SORCS2: variants seen among roughly 807,000 people sequenced by gnomAD.
The protein encoded by SORCS2 is VPS10 domain-containing receptor SorCS2.
A neutral mutation model predicts 141.6 loss-of-function variants in SORCS2; 100 were observed. That is an observed-to-expected ratio of 0.71 (90% CI 0.60 to 0.83). The LOEUF (loss-of-function observed/expected upper bound fraction) is 0.83, where lower values mean the gene tolerates loss of function less well. SORCS2 is among the 40% of genes least tolerant of loss of function. The pLI, the probability that SORCS2 is intolerant of heterozygous loss-of-function variation, is 0.00. For synonymous variants in SORCS2, 789 were observed against 676.9 expected, an observed-to-expected ratio of 1.17 and a Z score of -2.57; for missense variants, 1,646 against 1,560.2, an observed-to-expected ratio of 1.05 and a Z score of -0.93.
At chr4:7,574,554 CA>C (rs1321282559) in intron 3 of SORCS2, among the ~76,000 whole-genome samples, 6 of 148,354 alleles carry the variant, frequency 4.0e-5, no homozygotes, top group African/African-American at 7.5e-5. Context: ...AGGAGAGAGA[CA>C]GGGGGAAGGA....
intron 1 of SORCS2, among the ~76,000 whole-genome samples, chr4:7,377,941 C>A (rs1429622029): frequency 6.6e-6 from 1 of 152,208 alleles, no homozygotes; most frequent in East Asian, 1.9e-4. Context: ...AAATGAAGAT[C>A]TTGTTTTTTG....
intron 1 of SORCS2, among the ~76,000 whole-genome samples, chr4:7,272,875 C>T (rs1271171302): frequency 6.6e-6 from 1 of 152,268 alleles, no homozygotes; most frequent in Non-Finnish European, 1.5e-5. Flanking sequence ...CTTTCCCCAC[C>T]AGCACAGGCT....
chr4:7,734,653 C>T (rs1712017121), intron 25 of SORCS2, among the ~76,000 whole-genome samples: 1 of 152,210 alleles, frequency 6.6e-6, no homozygotes, highest in Non-Finnish European at 1.5e-5. Context: ...TGCTGTTCAG[C>T]CCCACCCACC....
At chr4:7,385,892 C>G (rs73210453) in intron 1 of SORCS2, among the ~76,000 whole-genome samples, 19,620 of 152,236 alleles carry the variant, frequency 0.13, 1,934 homozygotes, top group East Asian at 0.52. Flanking sequence ...GAGCACTGAC[C>G]GAATGCTTCC....
Position 7,667,000 on chromosome 4 carries a change from A to G in SORCS2, c.1072-124A>G, listed in dbSNP as rs1287452276. 4.7e-6 allele frequency: 4 copies of G among 847,030 alleles called. No individual in the cohort carries two copies. In the African/African-American group the frequency reaches 6.7e-5, roughly 14 times the overall value. 52.5% of individuals were successfully genotyped at this position (847,030 alleles called of 1,614,324 possible). On this transcript the variant is annotated intron_variant, in intron 7 of 26. Coordinates refer to ENST00000507866, the MANE Select transcript of SORCS2 (RefSeq NM_020777.3). ...TAGGAGTCTGTTCATTTCAAGCAGA[A>G]CAGGTAGAAGGAAAGTAAAAGGGCA...
chr4:7,538,520 A>T (rs1354160196), intron 3 of SORCS2, among the ~76,000 whole-genome samples: 1 of 152,174 alleles, frequency 6.6e-6, no homozygotes, highest in African/African-American at 2.4e-5. Context: ...ATTGTGTTTT[A>T]TATGAAAAAT....
intron 2 of SORCS2, among the ~76,000 whole-genome samples, chr4:7,458,261 G>A (rs1358353333): frequency 6.6e-6 from 1 of 152,264 alleles, no homozygotes; most frequent in East Asian, 1.9e-4. Flanking sequence ...CAGGCTGTAG[G>A]TTGGAGGCAG....
chr4:7,737,333 C>A, intron 26 of SORCS2, 161 bp downstream of exon 26: 1 of 949,044 alleles, frequency 1.1e-6, no homozygotes, highest in Middle Eastern at 3.1e-4. Context: ...CACTGTGTCC[C>A]CTCCATCTGA....
At chr4:7,700,666 A>G (rs1490940418) in intron 12 of SORCS2, among the ~76,000 whole-genome samples, 1 of 152,196 alleles carries the variant, frequency 6.6e-6, no homozygotes, top group African/African-American at 2.4e-5. Context: ...TAGCATTAGG[A>G]CAGAGGATCC....
intron 1 of SORCS2, among the ~76,000 whole-genome samples, chr4:7,291,512 G>A (rs1179702012): frequency 1.3e-5 from 2 of 152,174 alleles, no homozygotes; most frequent in Non-Finnish European, 2.9e-5. Context: ...CTGGGAGAGA[G>A]AGATCACATG....
At chr4:7,413,169 C>T (rs146272473) in intron 2 of SORCS2, among the ~76,000 whole-genome samples, 223 of 152,084 alleles carry the variant, frequency 1.5e-3, no homozygotes, top group African/African-American at 5.2e-3. Context: ...CAAAAAGTAC[C>T]ACATCTTTAT....
intron 3 of SORCS2, among the ~76,000 whole-genome samples, chr4:7,546,137 G>A (rs1713244630): frequency 6.6e-6 from 1 of 152,138 alleles, no homozygotes; most frequent in African/African-American, 2.4e-5. Context: ...CCTGTGAACT[G>A]GGGAGGAATA....
chr4:7,510,186 G>C lies in SORCS2; in HGVS notation c.549-21344G>C, dbSNP rs183043531. Among the ~76,000 whole-genome samples, 381 of 152,358 alleles carry C rather than the reference G, an allele frequency of 2.5e-3. 3 individuals carry two copies. The highest frequency in any genetic ancestry group is 8.8e-3 in the African/African-American group (367 of 41,584). On this transcript the variant is annotated intron_variant, in intron 2 of 26. Coordinates refer to ENST00000507866, the MANE Select transcript of SORCS2 (RefSeq NM_020777.3). The stretch of plus-strand genomic sequence containing the variant: ...GCCTCGGCAGTCCCAGATTGAAACC[G>C]ATGTGGATGCAAACGCCTTCCCTTC...
At chr4:7,415,266 G>A (rs1725590202) in intron 2 of SORCS2, among the ~76,000 whole-genome samples, 1 of 152,186 alleles carries the variant, frequency 6.6e-6, no homozygotes, top group African/African-American at 2.4e-5. Context: ...AGTTCAACCA[G>A]GTCCTACTGG....
At chr4:7,345,682 T>A (rs1438124934) in intron 1 of SORCS2, among the ~76,000 whole-genome samples, 7 of 152,234 alleles carry the variant, frequency 4.6e-5, no homozygotes, top group Non-Finnish European at 1.0e-4. Flanking sequence ...TCTTTTCTGC[T>A]TAAAATCTTC....
intron 1 of SORCS2, among the ~76,000 whole-genome samples, chr4:7,275,571 T>C (rs1433441420): frequency 6.6e-6 from 1 of 152,176 alleles, no homozygotes; most frequent in Non-Finnish European, 1.5e-5. Context: ...TTTGCAGATC[T>C]CCTTTCCTTT....
At chr4:7,472,788 C>T (rs190045173) in intron 2 of SORCS2, among the ~76,000 whole-genome samples, 71 of 152,234 alleles carry the variant, frequency 4.7e-4, no homozygotes, top group African/African-American at 5.1e-4. Flanking sequence ...ATTGACTCCC[C>T]GCTGTGAGGC....
chr4:7,529,703 G>T (rs1432186611), intron 2 of SORCS2, among the ~76,000 whole-genome samples: 3 of 152,238 alleles, frequency 2.0e-5, no homozygotes, highest in Non-Finnish European at 2.9e-5. Flanking sequence ...ATTTGTTTCT[G>T]CAAGGGCCTT....
intron 2 of SORCS2, among the ~76,000 whole-genome samples, chr4:7,516,067 G>T (rs566822350): frequency 3.9e-4 from 60 of 152,338 alleles, no homozygotes; most frequent in Middle Eastern, 3.4e-3. Flanking sequence ...GCACTGTGGT[G>T]CTCATTCATT....
Sources: allele counts gnomAD v4.1 joint callset (sites outside exome capture counted in the v4.1 genomes callset), GRCh38; gene constraint gnomAD v4.1.1; transcripts MANE v1.5; gene names NCBI Gene and HGNC (gene_info 2026-07-23, HGNC 2026-07-21).